The following CAMKMT variants were observed in gnomAD, a reference collection of about 807,000 sequenced individuals.
CAMKMT encodes the protein CaM KMT.
Under a neutral mutation model 48.0 loss-of-function variants are expected in CAMKMT, and 53 were observed. The observed-to-expected ratio is 1.10, with a 90% CI of 0.89 to 1.39. The LOEUF is 1.39. Ranked by LOEUF, CAMKMT falls within the 40% of genes most tolerant of loss-of-function variation. The pLI is 0.00. For synonymous variants in CAMKMT, 165 were observed against 152.3 expected (o/e 1.08, Z -0.61); for missense variants, 428 against 402.7 (o/e 1.06, Z -0.54).
chr2:44,415,778 G>C (rs1362465559), intron 3 of CAMKMT, among the ~76,000 whole-genome samples: 2 of 152,178 alleles, frequency 1.3e-5, no homozygotes, highest in Admixed American at 6.5e-5. Context: ...AAGTGTGCTA[G>C]AAATCATAGT....
At chr2:44,468,352 CAA>C (rs1401561282) in intron 3 of CAMKMT, among the ~76,000 whole-genome samples, 1 of 152,082 alleles carries the variant, frequency 6.6e-6, no homozygotes, top group African/African-American at 2.4e-5. Context: ...CAAAAAATAA[CAA>C]ATGCTGGTGA....
chr2:44,400,318 A>G (rs1048167743), intron 3 of CAMKMT, among the ~76,000 whole-genome samples: 15 of 152,186 alleles, frequency 9.9e-5, no homozygotes, highest in Non-Finnish European at 2.1e-4. Flanking sequence ...AGAAATATTC[A>G]CATAAAAATG....
chr2:44,634,638 G>C (rs1418153630), intron 3 of CAMKMT, among the ~76,000 whole-genome samples: 1 of 151,968 alleles, frequency 6.6e-6, no homozygotes, highest in Non-Finnish European at 1.5e-5. Flanking sequence ...CTATCTTCAA[G>C]GAAGCTCACA....
At chr2:44,445,295 G>A (rs538113186) in intron 3 of CAMKMT, among the ~76,000 whole-genome samples, 2 of 152,182 alleles carry the variant, frequency 1.3e-5, no homozygotes, top group African/African-American at 4.8e-5. Context: ...AAGGATGGAA[G>A]AGGGAAAGAG....
At chr2:44,676,316 T>C (rs899584628) in intron 3 of CAMKMT, among the ~76,000 whole-genome samples, 1 of 152,216 alleles carries the variant, frequency 6.6e-6, no homozygotes, top group Admixed American at 6.5e-5. Context: ...TTATCCTTGG[T>C]ACTGAATCTA....
chr2:44,767,810 A>G (rs961139769), intron 10 of CAMKMT, among the ~76,000 whole-genome samples: 2 of 152,150 alleles, frequency 1.3e-5, no homozygotes, highest in African/African-American at 4.8e-5. Flanking sequence ...CTCCACCCAA[A>G]GGAATAATGT....
chr2:44,766,653 T>A (rs1347561202), intron 10 of CAMKMT, 92 bp downstream of exon 10: 10 of 1,368,320 alleles, frequency 7.3e-6, no homozygotes, highest in Non-Finnish European at 9.1e-6. Flanking sequence ...AAATATTTGA[T>A]TAAAGTACTC....
At chr2:44,363,647 TG>T (rs1454116939) in intron 1 of CAMKMT, among the ~76,000 whole-genome samples, 2 of 150,938 alleles carry the variant, frequency 1.3e-5, no homozygotes, top group East Asian at 3.9e-4. Context: ...CCCAAAGTAC[TG>T]GGATTACAGG....
At chr2:44,521,086 AAT>A (rs1671083496) in intron 3 of CAMKMT, among the ~76,000 whole-genome samples, 1 of 152,228 alleles carries the variant, frequency 6.6e-6, no homozygotes, top group South Asian at 2.1e-4. Flanking sequence ...CCATGGGAAT[AAT>A]ATCAGCACAA....
At chr2:44,764,015 C>G (rs563302840) in intron 9 of CAMKMT, among the ~76,000 whole-genome samples, 1 of 152,238 alleles carries the variant, frequency 6.6e-6, no homozygotes, top group South Asian at 2.1e-4. Flanking sequence ...AAATGACCTA[C>G]CAGCATTCCC....
intron 3 of CAMKMT, among the ~76,000 whole-genome samples, chr2:44,590,088 T>C (rs1469138204): frequency 6.6e-6 from 1 of 151,586 alleles, no homozygotes; most frequent in Non-Finnish European, 1.5e-5. Flanking sequence ...TCTGCTAATA[T>C]TGACATTCCT....
chr2:44,673,616 T>C (rs74790683), intron 3 of CAMKMT, among the ~76,000 whole-genome samples: 2,612 of 152,086 alleles, frequency 0.017, 30 homozygotes, highest in African/African-American at 0.028. Flanking sequence ...GGGGTTCTCA[T>C]TTGGTGGCGG....
At chr2:44,488,845 G>GTGTGTGTA (rs1293559372) in intron 3 of CAMKMT, among the ~76,000 whole-genome samples, 1 of 135,754 alleles carries the variant, frequency 7.4e-6, no homozygotes, top group East Asian at 2.0e-4. Context: ...TAGGGTATTT[G>GTGTGTGTA]TGTGTGTGTG....
intron 7 of CAMKMT, among the ~76,000 whole-genome samples, chr2:44,735,752 C>T (rs958021209): frequency 6.7e-6 from 1 of 150,248 alleles, no homozygotes; most frequent in African/African-American, 2.4e-5. Context: ...AAAAAAAAAA[C>T]AAAAACAAAA....
intron 3 of CAMKMT, among the ~76,000 whole-genome samples, chr2:44,475,619 A>G (rs786413): frequency 0.81 from 123,179 of 151,878 alleles, 50,277 homozygotes; most frequent in African/African-American, 0.9. Flanking sequence ...CTGGCCTATA[A>G]GTAGAAATTT....
At chr2:44,681,145 A>G (rs911446757) in intron 3 of CAMKMT, among the ~76,000 whole-genome samples, 1 of 152,250 alleles carries the variant, frequency 6.6e-6, no homozygotes, top group African/African-American at 2.4e-5. Flanking sequence ...AGTGGTAGAC[A>G]ACAAGAGGCA....
chr2:44,768,683 G>C (rs921995085), intron 10 of CAMKMT, among the ~76,000 whole-genome samples: 3 of 152,158 alleles, frequency 2.0e-5, no homozygotes, highest in African/African-American at 4.8e-5. Context: ...CCGGGGCTCC[G>C]GGACGCGGCC....
intron 3 of CAMKMT, among the ~76,000 whole-genome samples, chr2:44,569,991 C>G (rs1459030453): frequency 4.6e-5 from 7 of 151,984 alleles, no homozygotes; most frequent in Admixed American, 3.9e-4. Flanking sequence ...ATTAACTTAG[C>G]CTTTTTTCTC....
At chr2:44,630,067 A>G (rs1189383622) in intron 3 of CAMKMT, among the ~76,000 whole-genome samples, 2 of 151,460 alleles carry the variant, frequency 1.3e-5, no homozygotes, top group Non-Finnish European at 2.9e-5. Context: ...AATGGAACAG[A>G]ACAGAGCCCT....
Sources: gnomAD v4.1 joint callset for allele counts (sites outside exome capture counted in the v4.1 genomes callset) on GRCh38, gnomAD v4.1.1 for gene constraint, MANE v1.5 for transcripts, NCBI Gene and HGNC (gene_info 2026-07-23, HGNC 2026-07-21) for gene names.